VAV1: variants seen among roughly 807,000 people sequenced by gnomAD.
The protein encoded by VAV1 is proto-oncogene vav.
A neutral mutation model predicts 128.1 loss-of-function variants in VAV1; 33 were observed. That is an observed-to-expected ratio of 0.26 (90% CI 0.20 to 0.34). The LOEUF (loss-of-function observed/expected upper bound fraction) is 0.34, where lower values mean the gene tolerates loss of function less well. Among genes scored for constraint, VAV1 ranks in the 10% least tolerant of loss-of-function variants. The pLI, the probability that VAV1 is intolerant of heterozygous loss-of-function variation, is 1.00. For synonymous variants in VAV1, 394 were observed against 409.8 expected (o/e 0.96, Z 0.47); for missense variants, 715 against 1,093.7 (o/e 0.65, Z 4.88).
At chr19:6,830,942 T>C (rs993821079) in intron 14 of VAV1, among the ~76,000 whole-genome samples, 2 of 151,806 alleles carry the variant, frequency 1.3e-5, no homozygotes, top group African/African-American at 4.8e-5. Flanking sequence ...TAAAAAAAAA[T>C]TTAGCTGGGC....
chr19:6,818,312 T>C (rs183026363), intron 1 of VAV1, among the ~76,000 whole-genome samples: 118 of 152,300 alleles, frequency 7.7e-4, no homozygotes, highest in Admixed American at 1.2e-3. Flanking sequence ...GTGTATTTGT[T>C]TGCGTGGGTG....
Position 6,828,357 on chromosome 19 carries a change from G to A in VAV1, c.1024-62G>A, listed in dbSNP as rs1971968502. 7 of 1,599,234 alleles carry A rather than the reference G, an allele frequency of 4.4e-6. No homozygotes were observed. Among genetic ancestry groups the A allele is most frequent in the Non-Finnish European group, 6.0e-6 (7 of 1,168,062 alleles). Reference sequence around the variant, plus strand: ...GCTGGTGAGCTAGCATTGTTTGGAAGGCCCTCCCCGCAGGGAGAAGGGGAG... The same window carrying A: ...GCTGGTGAGCTAGCATTGTTTGGAAAGCCCTCCCCGCAGGGAGAAGGGGAG... On this transcript the variant is annotated intron_variant, in intron 10 of 26. Transcript: ENST00000602142. This position sits in a 1 kb window ranked among gnomAD's most constrained non-coding sequence, Gnocchi z 4.5.
At chr19:6,855,422 A>G (rs1972768873) in intron 26 of VAV1, among the ~76,000 whole-genome samples, 1 of 151,878 alleles carries the variant, frequency 6.6e-6, no homozygotes, top group Non-Finnish European at 1.5e-5. Context: ...CCATCTATCC[A>G]TCTATCTATC....
At chr19:6,800,124 T>C (rs934855749) in intron 1 of VAV1, among the ~76,000 whole-genome samples, 7 of 151,802 alleles carry the variant, frequency 4.6e-5, no homozygotes, top group African/African-American at 1.5e-4. Context: ...ATAGTGAGGC[T>C]CTGTTTCTTA....
intron 1 of VAV1, among the ~76,000 whole-genome samples, chr19:6,803,048 G>A (rs980854515): frequency 1.3e-5 from 2 of 152,208 alleles, no homozygotes; most frequent in African/African-American, 4.8e-5. Flanking sequence ...GTAGATGAAT[G>A]CGATGTAGGG....
chr19:6,817,106 T>C (rs1242234830), intron 1 of VAV1, among the ~76,000 whole-genome samples: 1 of 151,420 alleles, frequency 6.6e-6, no homozygotes, highest in African/African-American at 2.4e-5. Context: ...TGGAGTGCAG[T>C]GGGGATATCT....
At chr19:6,788,499 AG>A (rs35122999) in intron 1 of VAV1, among the ~76,000 whole-genome samples, 39,436 of 151,164 alleles carry the variant, frequency 0.26, 6,092 homozygotes, top group African/African-American at 0.44. Flanking sequence ...CAGCCTCCCT[AG>A]TAGCTGGGAT....
In VAV1 at chr19:6,853,965, T is replaced by C; in HGVS notation, c.2351T>C (p.Phe784Ser). The change falls in exon 26 of 27, where the codon TTT becomes TCT. Residue 784 changes from phenylalanine to serine, a missense_variant. By Grantham distance (155) the Phe-to-Ser change is radical (BLOSUM62 -2). Transcript: ENST00000602142. ...TCCACAGTGGGAAGCACAAAGTATT[T>C]TGGCACAGCCAAAGCCCGCTATGAC... ...SRPAVGSTKYFGTAKARYDFC... is the reference protein window; with the variant it reads ...SRPAVGSTKYSGTAKARYDFC... The C allele has an allele frequency of 6.2e-7, 1 of 1,612,276 alleles. No homozygotes were observed. The highest frequency in any genetic ancestry group is 1.1e-5 in the South Asian group (1 of 91,086).
In VAV1 at chr19:6,780,194, G is replaced by A. The variant is rs1376758103; in HGVS notation, c.204+7183G>A. ...TGAATCATTTTCCAGCTCCTCTGCTGTGTGATCTTGGGCACATTAGTAAAC... is the reference window on the plus strand; with the variant it reads ...TGAATCATTTTCCAGCTCCTCTGCTATGTGATCTTGGGCACATTAGTAAAC... On this transcript the variant is annotated intron_variant, in intron 1 of 26. Transcript: ENST00000602142. 2.0e-5 allele frequency among the ~76,000 whole-genome samples: 3 copies of A among 149,762 alleles called. 1 individual carries two copies. Among genetic ancestry groups the A allele is most frequent in the Non-Finnish European group, 4.5e-5 (3 of 67,110 alleles).
intron 1 of VAV1, among the ~76,000 whole-genome samples, chr19:6,778,307 G>C (rs1239457257): frequency 2.6e-5 from 4 of 152,178 alleles, no homozygotes; most frequent in Admixed American, 2.6e-4. Flanking sequence ...GACTGGAGAG[G>C]AAAGAACAGA....
intron 1 of VAV1, among the ~76,000 whole-genome samples, chr19:6,779,927 C>T (rs955845625): frequency 1.5e-4 from 22 of 149,116 alleles, no homozygotes; most frequent in African/African-American, 2.7e-4. Flanking sequence ...CTGGCTAACA[C>T]GGTGAAACCC....
In VAV1 at chr19:6,857,274, TTAATTTA is replaced by T; in HGVS notation, c.*171_*177del. The T allele has an allele frequency of 1.2e-6, 1 of 853,060 alleles. No individual in the cohort carries two copies. The highest frequency in any genetic ancestry group is 1.8e-6 in the Non-Finnish European group (1 of 566,064). The allele number at this position is 853,060 out of a possible 1,614,324, so 52.8% of individuals were successfully genotyped here. A position where few individuals can be genotyped will look rare whatever the true frequency, so the allele number is the denominator to read the frequency against. On this transcript the variant is annotated 3_prime_UTR_variant, in exon 27 of 27. Transcript: ENST00000602142. Reference sequence around the variant, plus strand: ...GCTCCCGGGATGTGCCCTGACATGGTTAATTTATAACACCCCGATTTCCTCTTGGGTC... The same window carrying T: ...GCTCCCGGGATGTGCCCTGACATGGTTAACACCCCGATTTCCTCTTGGGTC...
intron 13 of VAV1, 146 bp from the exon 14 acceptor site, chr19:6,829,640 A>T: frequency 8.4e-7 from 1 of 1,185,742 alleles, no homozygotes; most frequent in Non-Finnish European, 1.2e-6. Flanking sequence ...CACGTGGGTG[A>T]AGTCAGGATG....
In VAV1 at chr19:6,836,154, A is replaced by G. The variant is rs994455834; in HGVS notation, c.1778-278A>G. The G allele has an allele frequency of 2.7e-5, 8 of 300,390 alleles. No homozygotes were observed. The Middle Eastern group carries it at 3.5e-3, about 130-fold the overall frequency. The allele number at this position is 300,390 out of a possible 1,614,324, so 18.6% of individuals were successfully genotyped here. On this transcript the variant is annotated intron_variant, in intron 19 of 26. Transcript: ENST00000602142. ...CTCCCAAAGTGCTGGGATTACAGACATGAGCCACCGTGCCCAGCCAGGACA... is the reference window on the plus strand; with the variant it reads ...CTCCCAAAGTGCTGGGATTACAGACGTGAGCCACCGTGCCCAGCCAGGACA...
intron 1 of VAV1, among the ~76,000 whole-genome samples, chr19:6,812,558 G>T (rs1251960277): frequency 2.0e-5 from 3 of 152,116 alleles, no homozygotes; most frequent in Non-Finnish European, 4.4e-5. Flanking sequence ...TGTTCGAGAG[G>T]CTGAGGCACT....
In VAV1 at chr19:6,786,062, G is replaced by A. The variant is rs114309460; in HGVS notation, c.204+13051G>A. 3.0e-3 allele frequency among the ~76,000 whole-genome samples: 451 copies of A among 152,046 alleles called. 1 individual carries two copies. The highest frequency in any genetic ancestry group is 0.01 in the African/African-American group (430 of 41,468). On this transcript the variant is annotated intron_variant, in intron 1 of 26. Transcript: ENST00000602142. ...CTTTCATGTTTTATTTTTCTCCATA[G>A]CACTTAGTGCTCTCTGACCTGTCAT...
In VAV1 at chr19:6,841,315, G is replaced by A. The variant is rs78145725; in HGVS notation, c.1981-1820G>A. Among the ~76,000 whole-genome samples the A allele has an allele frequency of 3.3e-3, 498 of 152,164 alleles. 5 individuals are homozygous for A. The highest frequency in any genetic ancestry group is 0.012 in the African/African-American group (482 of 41,506). On this transcript the variant is annotated intron_variant, in intron 21 of 26. Coordinates refer to ENST00000602142, the MANE Select transcript of VAV1 (RefSeq NM_005428.4). ...AACAATTGGTTGCTTCAACTTTTGC[G>A]TATTGTGAATAAAGCTGCTACAAAC...
chr19:6,836,434 C>T lies in VAV1; in HGVS notation c.1780C>T (p.Leu594=), dbSNP rs761250958. The change falls in exon 20 of 27, where the codon CTG becomes TTG. Residue 594 remains leucine, a splice_region_variant and synonymous_variant. Coordinates refer to ENST00000602142, the MANE Select transcript of VAV1 (RefSeq NM_005428.4). ...AQDKKRNELG[L]PKMEVFQEYY... ...TACTCCTGTACCCTGTCCTCCAGGT[C>T]TGCCCAAGATGGAGGTGTTTCAGGA... 2.5e-6 allele frequency: 4 copies of T among 1,614,006 alleles called. No homozygotes were observed. The highest frequency in any genetic ancestry group is 3.4e-6 in the Non-Finnish European group (4 of 1,179,950).
At chr19:6,802,765 G>C (rs1201736423) in intron 1 of VAV1, among the ~76,000 whole-genome samples, 1 of 152,222 alleles carries the variant, frequency 6.6e-6, no homozygotes, top group African/African-American at 2.4e-5. Context: ...GGGATCCAGT[G>C]CTGGTATCTG....
Sources: gnomAD v4.1 joint callset for allele counts (sites outside exome capture counted in the v4.1 genomes callset) on GRCh38, gnomAD v4.1.1 for gene constraint, Gnocchi (gnomAD v3.1) non-coding constraint, MANE v1.5 for transcripts, NCBI Gene and HGNC (gene_info 2026-07-23, HGNC 2026-07-21) for gene names.